The following ACLY variants were observed in gnomAD, a reference collection of about 807,000 sequenced individuals.
ACLY encodes the protein ATP citrate lyase.
In ACLY, 41 loss-of-function variants were observed where a neutral mutation model predicts 133.0. That is an observed-to-expected ratio of 0.31 (90% CI 0.24 to 0.40). The LOEUF (loss-of-function observed/expected upper bound fraction) is 0.40, where lower values mean the gene tolerates loss of function less well. ACLY is among the 10% of genes least tolerant of loss of function. The pLI is 1.00. For synonymous variants in ACLY, 495 were observed against 549.3 expected, an observed-to-expected ratio of 0.90 and a Z score of 1.38; for missense variants, 1,046 against 1,453.8, an observed-to-expected ratio of 0.72 and a Z score of 4.56.
chr17:41,884,956 G>A (rs781951001), intron 18 of ACLY, among the ~76,000 whole-genome samples: 5 of 152,062 alleles, frequency 3.3e-5, no homozygotes, highest in Non-Finnish European at 7.4e-5. Context: ...TGCAACCTCC[G>A]CCTCCCGGGT....
In ACLY at chr17:41,883,133, A is replaced by T; in HGVS notation, c.2254T>A (p.Phe752Ile). 1 of 1,613,948 alleles carries T rather than the reference A, an allele frequency of 6.2e-7. No homozygotes were observed. The highest frequency in any genetic ancestry group is 1.7e-4 in the Middle Eastern group (1 of 6,060). Residue 752 changes from phenylalanine to isoleucine, a missense_variant, in exon 20 of 29, where the codon TTC becomes ATC. By Grantham distance (21) the Phe-to-Ile change is conservative. Coordinates refer to ENST00000352035, the MANE Select transcript of ACLY (RefSeq NM_001096.3). ...CATCTCAGCCATACCTCAGAGGAGA[A>T]CATGGTGGCACACGTCCCGATGCAC... ...CWCIGTCATM[F>I]SSEVQFGHAG...
At position 41,924,052 on chromosome 17, in the gene ACLY, G is replaced by A. The variant is rs560205081; in HGVS notation, c.-28+6306C>T. 1.2e-4 allele frequency among the ~76,000 whole-genome samples: 18 copies of A among 152,214 alleles called. No homozygotes were observed. The South Asian group carries it at 1.9e-3, about 16-fold the overall frequency. Reference sequence around the variant, plus strand: ...TCTTTAACTCCAGACCTCATGATCCGCCTGCCTCGGCATCCCAATGTGCTG... The same window carrying A: ...TCTTTAACTCCAGACCTCATGATCCACCTGCCTCGGCATCCCAATGTGCTG... On this transcript the variant is annotated intron_variant, in intron 1 of 3. Coordinates refer to the ACLY transcript ENST00000592970.
At chr17:41,880,923 C>T (rs34656066) in intron 20 of ACLY, among the ~76,000 whole-genome samples, 6,252 of 150,472 alleles carry the variant, frequency 0.042, 440 homozygotes, top group African/African-American at 0.14. Flanking sequence ...ACCCATGGGG[C>T]GATGAGTGCC....
intron 21 of ACLY, 42 bp downstream of exon 21, chr17:41,878,755 G>C: frequency 6.2e-7 from 1 of 1,611,450 alleles, no homozygotes. Flanking sequence ...GAGGGATTTG[G>C]AAAGGAGGGG....
intron 12 of ACLY, among the ~76,000 whole-genome samples, 156 bp from the exon 13 acceptor site, chr17:41,897,995 T>C (rs1477453258): frequency 6.6e-6 from 1 of 152,172 alleles, no homozygotes; most frequent in African/African-American, 2.4e-5. Context: ...TCCTCTAAGA[T>C]ACGAATTAAT....
At chr17:41,918,996 GA>G (rs1454729711), upstream of ACLY, 15 of 1,286,310 alleles carry the variant, frequency 1.2e-5, no homozygotes, top group Middle Eastern at 4.2e-4. Flanking sequence ...GGCCCAGCCG[GA>G]CTTTTCCCCG....
intron 1 of ACLY, among the ~76,000 whole-genome samples, chr17:41,914,705 G>C (rs2050004605): frequency 6.6e-6 from 1 of 152,140 alleles, no homozygotes; most frequent in South Asian, 2.1e-4. Context: ...CCTCTCTGGG[G>C]ACCACCCTGT....
At chr17:41,922,816 T>C (rs1186043029), upstream of ACLY, among the ~76,000 whole-genome samples, 1 of 152,138 alleles carries the variant, frequency 6.6e-6, no homozygotes, top group Non-Finnish European at 1.5e-5. Context: ...AAAATAACTG[T>C]CCAGAGAGTG....
Position 41,893,077 on chromosome 17 carries a change from G to A in ACLY, c.1557C>T (p.Cys519=), listed in dbSNP as rs1555629662. 2 of 1,614,002 alleles carry A rather than the reference G, an allele frequency of 1.2e-6. No individual in the cohort carries two copies. The highest frequency in any genetic ancestry group is 1.1e-5 in the South Asian group (1 of 91,072). The change falls in exon 15 of 29, where the codon TGC becomes TGT. Residue 519 remains cysteine, a synonymous_variant. Coordinates refer to ENST00000352035, the MANE Select transcript of ACLY (RefSeq NM_001096.3). ...VQGMLDFDYV[C]SRDEPSVAAM... ...CAGCCACTGAGGGCTCGTCTCGGGA[G>A]CAGACATAGTCAAAGTCCAGCATGC...
chr17:41,878,114 A>G lies in ACLY; in HGVS notation c.2476T>C (p.Ser826Pro), dbSNP rs2144237678. 1 of 1,567,564 alleles carries G rather than the reference A, an allele frequency of 6.4e-7. No individual in the cohort carries two copies. Among genetic ancestry groups the G allele is most frequent in the Non-Finnish European group, 8.6e-7 (1 of 1,158,070 alleles). Residue 826 changes from serine (S) to proline (P), a missense_variant, in exon 22 of 29, where the codon TCC becomes CCC. Physicochemically the swap from Ser to Pro is moderately conservative, Grantham distance 74. Coordinates refer to ENST00000352035, the MANE Select transcript of ACLY (RefSeq NM_001096.3). ...TTTAAGGCACCTACCCTGGCCCAGG[A>G]GTAGTCCATGGGCACGGTTGGGGGC... is the stretch of plus-strand genomic sequence containing the variant. ...VPPPTVPMDYSWARELGLIRK... is the reference protein window; with the variant it reads ...VPPPTVPMDYPWARELGLIRK...
At chr17:41,915,695 A>T (rs2050033299) in intron 1 of ACLY, among the ~76,000 whole-genome samples, 3 of 151,990 alleles carry the variant, frequency 2.0e-5, no homozygotes, top group African/African-American at 7.3e-5. Flanking sequence ...AGACGTCCCA[A>T]CCACCTCACT....
intron 20 of ACLY, among the ~76,000 whole-genome samples, chr17:41,882,121 C>T (rs1179610287): frequency 1.3e-5 from 2 of 151,876 alleles, no homozygotes; most frequent in African/African-American, 2.4e-5. Flanking sequence ...GTAATCCCAG[C>T]GCTTTGGGAG....
chr17:41,907,933 T>C (rs2049773165), intron 6 of ACLY, among the ~76,000 whole-genome samples: 1 of 152,104 alleles, frequency 6.6e-6, no homozygotes, highest in South Asian at 2.1e-4. Context: ...TAAAGGTACA[T>C]GTTGCTGACA....
intron 10 of ACLY, among the ~76,000 whole-genome samples, chr17:41,902,981 AT>A (rs1301861616): frequency 2.0e-5 from 3 of 152,014 alleles, no homozygotes; most frequent in Admixed American, 6.6e-5. Context: ...TAGAGATGAG[AT>A]CTCATTATGT....
chr17:41,910,321 C>A (rs199551515), intron 3 of ACLY, 37 bp from the exon 4 acceptor site: 2 of 1,592,906 alleles, frequency 1.3e-6, no homozygotes, highest in East Asian at 2.2e-5. Context: ...CTCAGAGGGA[C>A]AGCACGTCTT....
intron 20 of ACLY, among the ~76,000 whole-genome samples, chr17:41,882,092 G>A (rs1413963083): frequency 6.6e-6 from 1 of 152,012 alleles, no homozygotes; most frequent in Admixed American, 6.6e-5. Flanking sequence ...TTCCAGGCCA[G>A]GCATGGTGGC....
At chr17:41,887,411 C>T (rs2049083177) in intron 17 of ACLY, among the ~76,000 whole-genome samples, 188 bp downstream of exon 17, 1 of 152,122 alleles carries the variant, frequency 6.6e-6, no homozygotes, top group African/African-American at 2.4e-5. Context: ...GCACTCCAGC[C>T]TAGGCATTGC....
Position 41,910,262 on chromosome 17 carries a change from A to G in ACLY, c.305T>C (p.Leu102Pro). The change falls in exon 4 of 29, where the codon CTC (leucine) becomes CCC (proline). Residue 102 changes from leucine (L) to proline (P), a missense_variant. This residue lies in a region of ACLY where 227 missense variants were observed against 245.6 expected (regional missense o/e 0.92). Transcript: ENST00000352035. The stretch of plus-strand genomic sequence containing the variant: ...GAAGGGCTCGATCAGAAAGTTCTTG[A>G]GGAAGCCTGTGGCCTTGCCAACCTA... Reference protein sequence around the residue: ...EATVGKATGFLKNFLIEPFVP... With the variant: ...EATVGKATGFPKNFLIEPFVP... 6.2e-7 allele frequency: 1 copy of G among 1,613,896 alleles called. No homozygotes were observed.
At chr17:41,907,708 A>G in intron 6 of ACLY, 136 bp from the exon 7 acceptor site, 1 of 972,648 alleles carries the variant, frequency 1.0e-6, no homozygotes, top group Non-Finnish European at 1.5e-6. Flanking sequence ...GTAAGAAACC[A>G]GAGAGGCCCT....
Sources: gnomAD v4.1 joint callset for allele counts (sites outside exome capture counted in the v4.1 genomes callset) on GRCh38, gnomAD v4.1.1 for gene constraint, gnomAD v4.1.1 regional missense constraint, MANE v1.5 for transcripts, NCBI Gene and HGNC (gene_info 2026-07-23, HGNC 2026-07-21) for gene names.